CDIN1: variants seen among roughly 807,000 people sequenced by gnomAD.
CDIN1 encodes the protein CDAN1 interacting nuclease 1, also known as CDAN1-interacting nuclease 1.
CDIN1 carries 33 observed loss-of-function variants against 45.3 expected under a neutral mutation model. The observed-to-expected ratio is 0.73, with a 90% CI of 0.55 to 0.97. The LOEUF (loss-of-function observed/expected upper bound fraction) is 0.97. CDIN1 is among the 50% of genes least tolerant of loss of function. The pLI, the probability that CDIN1 is intolerant of heterozygous loss-of-function variation, is 0.00. For synonymous variants in CDIN1, 118 were observed against 124.4 expected (o/e 0.95, Z 0.34); for missense variants, 303 against 339.4 (o/e 0.89, Z 0.84).
At chr15:36,751,151 A>G (rs2053450606) in intron 10 of CDIN1, among the ~76,000 whole-genome samples, 1 of 146,898 alleles carries the variant, frequency 6.8e-6, no homozygotes, top group African/African-American at 2.5e-5. Flanking sequence ...TTACTACTTA[A>G]CTAAGTGTTC....
intron 4 of CDIN1, among the ~76,000 whole-genome samples, chr15:36,654,400 G>T (rs1222088234): frequency 6.6e-6 from 1 of 151,238 alleles, no homozygotes; most frequent in East Asian, 1.9e-4. Context: ...ACAGCCTCTT[G>T]GTTTCTTATT....
intron 1 of CDIN1, among the ~76,000 whole-genome samples, chr15:36,623,124 G>T (rs2039270937): frequency 6.6e-6 from 1 of 151,896 alleles, no homozygotes; most frequent in South Asian, 2.1e-4. Context: ...TGTATTTTTT[G>T]ATTGGGTTGT....
chr15:36,787,872 A>G (rs1228497075), intron 10 of CDIN1, among the ~76,000 whole-genome samples: 1 of 150,920 alleles, frequency 6.6e-6, no homozygotes, highest in Non-Finnish European at 1.5e-5. Context: ...TGTATCACAT[A>G]TTTAATATGA....
chr15:36,696,674 G>A (rs1431983577), intron 7 of CDIN1, among the ~76,000 whole-genome samples: 2 of 152,152 alleles, frequency 1.3e-5, no homozygotes, highest in Non-Finnish European at 2.9e-5. Flanking sequence ...CAGAGTGGCT[G>A]GGGTTATAGG....
intron 5 of CDIN1, among the ~76,000 whole-genome samples, chr15:36,658,719 T>C (rs914689695): frequency 2.6e-5 from 4 of 152,222 alleles, no homozygotes; most frequent in African/African-American, 9.6e-5. Context: ...ATGCACATAA[T>C]CTTCCCTCTT....
intron 10 of CDIN1, among the ~76,000 whole-genome samples, chr15:36,731,718 T>C (rs1039663743): frequency 3.3e-5 from 5 of 152,162 alleles, no homozygotes; most frequent in Non-Finnish European, 7.4e-5. Context: ...ACTTAATATT[T>C]AAGCTCCACA....
chr15:36,698,778 T>G (rs2042528628), intron 8 of CDIN1, among the ~76,000 whole-genome samples: 1 of 152,190 alleles, frequency 6.6e-6, no homozygotes, highest in South Asian at 2.1e-4. Flanking sequence ...CTGTGGACAG[T>G]CAGGCCTTCA....
At chr15:36,771,416 C>T (rs1047294230) in intron 10 of CDIN1, among the ~76,000 whole-genome samples, 1 of 152,166 alleles carries the variant, frequency 6.6e-6, no homozygotes, top group Non-Finnish European at 1.5e-5. Flanking sequence ...CACAGGCACA[C>T]TGATAGCTGG....
Position 36,663,405 on chromosome 15 carries a change from T to G in CDIN1, c.346+5500T>G, listed in dbSNP as rs2041101859. 2.0e-5 allele frequency among the ~76,000 whole-genome samples: 3 copies of G among 152,292 alleles called. 1 individual carries two copies. Among genetic ancestry groups the G allele is most frequent in the Admixed American group, 2.0e-4 (3 of 15,302 alleles). ...ATATCTGAAATGGTGTGGCTGTATCTCCACCAAATCTCATCTTGTAGTTCC... is the reference window on the plus strand; with the variant it reads ...ATATCTGAAATGGTGTGGCTGTATCGCCACCAAATCTCATCTTGTAGTTCC... On this transcript the variant is annotated intron_variant, in intron 5 of 10. Transcript: ENST00000566621.
At chr15:36,788,106 A>ATAT (rs1343541345) in intron 10 of CDIN1, among the ~76,000 whole-genome samples, 10 of 50,554 alleles carry the variant, frequency 2.0e-4, no homozygotes, top group African/African-American at 7.7e-4. Context: ...ATATATATAT[A>ATAT]TTTTTTTTTT....
chr15:36,594,834 A>G (rs891041144), intron 1 of CDIN1: 4 of 960,650 alleles, frequency 4.2e-6, no homozygotes, highest in Admixed American at 6.2e-5. Flanking sequence ...TTTTTTTAGC[A>G]TTTCAAGAAG....
chr15:36,647,408 T>G (rs964771893), intron 3 of CDIN1, among the ~76,000 whole-genome samples: 11 of 152,204 alleles, frequency 7.2e-5, no homozygotes, highest in Non-Finnish European at 1.2e-4. Context: ...TTCTTTCAAT[T>G]TATTTAAATA....
At chr15:36,679,141 T>C (rs979191532) in intron 5 of CDIN1, among the ~76,000 whole-genome samples, 1 of 152,176 alleles carries the variant, frequency 6.6e-6, no homozygotes, top group Non-Finnish European at 1.5e-5. Context: ...AGTAGTGGAT[T>C]GTGCACTGAG....
intron 1 of CDIN1, among the ~76,000 whole-genome samples, chr15:36,589,845 C>A (rs570225387): frequency 3.9e-5 from 6 of 152,318 alleles, no homozygotes; most frequent in Non-Finnish European, 8.8e-5. Flanking sequence ...ACAGCTAGAT[C>A]CTGGATTGTT....
intron 10 of CDIN1, among the ~76,000 whole-genome samples, chr15:36,789,961 A>G (rs2054603540): frequency 6.6e-6 from 1 of 152,188 alleles, no homozygotes; most frequent in East Asian, 1.9e-4. Context: ...TGCTTGGTCC[A>G]TAAATAAGCC....
rs749361001 is a variant in CDIN1, at chr15:36,691,714, C to A, written c.376C>A (p.Arg126=). Residue 126 remains arginine (R), a synonymous_variant, in exon 6 of 11, where the codon CGG becomes AGG. Transcript: ENST00000566621. ...CAAGTCTATTATAAATAGTATGCTA[C>A]GGGACCCTTCTCAGATTCCAGATGG... is the stretch of plus-strand genomic sequence containing the variant. ...PSKSIINSML[R]DPSQIPDGVL... The A allele has an allele frequency of 6.2e-7, 1 of 1,602,626 alleles. No homozygotes were observed. Among genetic ancestry groups the A allele is most frequent in the African/African-American group, 1.3e-5 (1 of 74,840 alleles).
chr15:36,691,626 C>T (rs990142215), intron 5 of CDIN1, 59 bp from the exon 6 acceptor site: 12 of 1,078,328 alleles, frequency 1.1e-5, no homozygotes, highest in South Asian at 5.5e-5. Context: ...TGTCACTCCT[C>T]ATGTTGCATT....
Position 36,769,715 on chromosome 15 carries a change from A to G in CDIN1, c.717-38609A>G, listed in dbSNP as rs737202. ...AAAAGGTTTATTAAGTACCTTCCTC[A>G]AGGTGACACCATTCTTTCCTATTCT... On this transcript the variant is annotated intron_variant, in intron 10 of 10. Coordinates refer to ENST00000566621, the MANE Select transcript of CDIN1 (RefSeq NM_001321759.2). 6.4e-4 allele frequency among the ~76,000 whole-genome samples: 97 copies of G among 152,282 alleles called. 2 individuals are homozygous for G. The South Asian group carries it at 0.013, about 21-fold the overall frequency.
At chr15:36,582,576 A>G (rs2037097267) in intron 1 of CDIN1, among the ~76,000 whole-genome samples, 1 of 152,206 alleles carries the variant, frequency 6.6e-6, no homozygotes, top group Non-Finnish European at 1.5e-5. Flanking sequence ...CCAAATGTGA[A>G]TACAGCGCAA....
Sources: allele counts gnomAD v4.1 joint callset (sites outside exome capture counted in the v4.1 genomes callset), GRCh38; gene constraint gnomAD v4.1.1; transcripts MANE v1.5; gene names NCBI Gene and HGNC (gene_info 2026-07-23, HGNC 2026-07-21).